The following BMAL2 variants were observed in gnomAD, a reference collection of about 807,000 sequenced individuals.
BMAL2 encodes basic helix-loop-helix ARNT-like protein 2.
At chr12:27,382,168 T>C in the BMAL2 span, among the ~76,000 whole-genome samples, 7 of 152,314 alleles carry the variant, frequency 4.6e-5, no homozygotes, top group Middle Eastern at 6.8e-3. Flanking sequence ...CTTAAATCCT[T>C]CAGCAATGAA....
chr12:27,355,607 T>C, the BMAL2 span, among the ~76,000 whole-genome samples: 1 of 152,196 alleles, frequency 6.6e-6, no homozygotes, highest in Non-Finnish European at 1.5e-5. Flanking sequence ...TTCTACATAC[T>C]TCCCTGGGAA....
chr12:27,413,601 G>A, the BMAL2 span, among the ~76,000 whole-genome samples: 1 of 152,114 alleles, frequency 6.6e-6, no homozygotes, highest in African/African-American at 2.4e-5. Context: ...ATGGAACAAA[G>A]GAACTACAAA....
At chr12:27,350,443 A>T in the BMAL2 span, among the ~76,000 whole-genome samples, 1 of 152,166 alleles carries the variant, frequency 6.6e-6, no homozygotes, top group Non-Finnish European at 1.5e-5. Flanking sequence ...CTTGCATTTG[A>T]TTAGAAACTC....
chr12:27,338,328 T>C, the BMAL2 span, among the ~76,000 whole-genome samples: 1 of 150,744 alleles, frequency 6.6e-6, no homozygotes, highest in Non-Finnish European at 1.5e-5. Context: ...TGGTACAATA[T>C]ATGGGCTAAC....
At chr12:27,399,693 A>T in the BMAL2 span, among the ~76,000 whole-genome samples, 2 of 152,222 alleles carry the variant, frequency 1.3e-5, no homozygotes, top group Admixed American at 6.5e-5. Context: ...TGAAACAATG[A>T]TTGTTCTAAT....
chr12:27,352,540 A>G, the BMAL2 span, among the ~76,000 whole-genome samples: 1 of 149,322 alleles, frequency 6.7e-6, no homozygotes, highest in Non-Finnish European at 1.5e-5. Flanking sequence ...ACTCCTATTC[A>G]ACATAAACCA....
the BMAL2 span, among the ~76,000 whole-genome samples, chr12:27,395,546 C>T: frequency 0.071 from 10,734 of 151,854 alleles, 442 homozygotes; most frequent in East Asian, 0.12. Context: ...TGCATGTGTA[C>T]AGTCATAGGT....
the BMAL2 span, among the ~76,000 whole-genome samples, chr12:27,408,665 T>C: frequency 6.6e-6 from 1 of 152,164 alleles, no homozygotes; most frequent in Admixed American, 6.5e-5. Context: ...CTGGAAGCAT[T>C]CCCTTTGAAA....
chr12:27,381,555 A>G, the BMAL2 span, among the ~76,000 whole-genome samples: 1 of 152,168 alleles, frequency 6.6e-6, no homozygotes, highest in African/African-American at 2.4e-5. Flanking sequence ...GTGACACAGT[A>G]TCAAGGGGAA....
chr12:27,377,701 A>G, the BMAL2 span, among the ~76,000 whole-genome samples: 1 of 152,234 alleles, frequency 6.6e-6, no homozygotes, highest in Non-Finnish European at 1.5e-5. Context: ...TGATCATACA[A>G]CTGCACTGCA....
At chr12:27,409,382 G>A in the BMAL2 span, among the ~76,000 whole-genome samples, 3 of 152,128 alleles carry the variant, frequency 2.0e-5, no homozygotes, top group African/African-American at 4.8e-5. Context: ...GCATGGTACT[G>A]GTACCAAAAC....
chr12:27,395,156 C>T, the BMAL2 span, among the ~76,000 whole-genome samples: 2 of 152,172 alleles, frequency 1.3e-5, no homozygotes, highest in Admixed American at 6.5e-5. Flanking sequence ...GGAATCTGGG[C>T]CTTGCTGAAA....
the BMAL2 span, among the ~76,000 whole-genome samples, chr12:27,420,019 G>GCGCACACACACACA: frequency 6.8e-6 from 1 of 147,478 alleles, no homozygotes; most frequent in African/African-American, 2.5e-5. Context: ...GTTTGCGCGT[G>GCGCACACACACACA]CACACACACA....
At chr12:27,420,015 G>GCA in the BMAL2 span, among the ~76,000 whole-genome samples, 186 of 46,660 alleles carry the variant, frequency 4.0e-3, no homozygotes, top group Non-Finnish European at 6.1e-3. Context: ...CAGGGTTTGC[G>GCA]CGTGCACACA....
the BMAL2 span, among the ~76,000 whole-genome samples, chr12:27,411,105 A>G: frequency 6.6e-6 from 1 of 152,098 alleles, no homozygotes; most frequent in Non-Finnish European, 1.5e-5. Flanking sequence ...TAAACATTGT[A>G]GTATACAGAA....
the BMAL2 span, among the ~76,000 whole-genome samples, chr12:27,396,881 C>T: frequency 6.8e-6 from 1 of 147,848 alleles, no homozygotes; most frequent in Non-Finnish European, 1.5e-5. Flanking sequence ...GATAAGGTTA[C>T]TGCAGAATAT....
chr12:27,351,005 T>C, the BMAL2 span, among the ~76,000 whole-genome samples: 1 of 138,106 alleles, frequency 7.2e-6, no homozygotes, highest in South Asian at 2.8e-4. Context: ...TTTTTTTTTT[T>C]TGAGACAGGG....
At chr12:27,380,428 A>G in the BMAL2 span, 3 of 1,612,724 alleles carry the variant, frequency 1.9e-6, no homozygotes, top group Admixed American at 5.0e-5. Flanking sequence ...TGGCTTCCAC[A>G]CTTCGATAAG....
the BMAL2 span, chr12:27,377,394 C>T: frequency 1.3e-5 from 2 of 152,280 alleles, no homozygotes; most frequent in Non-Finnish European, 1.5e-5. Flanking sequence ...CATCATTGAC[C>T]TTCTCCACAG....
Sources: gnomAD v4.1 joint callset for allele counts (sites outside exome capture counted in the v4.1 genomes callset) on GRCh38, gnomAD v4.1.1 for gene constraint, MANE v1.5 for transcripts, NCBI Gene and HGNC (gene_info 2026-07-23, HGNC 2026-07-21) for gene names.